SEMA5A: variants seen among roughly 807,000 people sequenced by gnomAD.
The protein encoded by SEMA5A is semaphorin 5A.
In SEMA5A, 55 loss-of-function variants were observed where a neutral mutation model predicts 135.5. That is an observed-to-expected ratio of 0.41 (90% CI 0.33 to 0.51). The LOEUF (loss-of-function observed/expected upper bound fraction) is 0.51, where lower values mean the gene tolerates loss of function less well. Ranked by LOEUF, SEMA5A falls within the 20% of genes least tolerant of loss-of-function variation. The pLI is 0.37. For synonymous variants in SEMA5A, 580 were observed against 546.5 expected, an observed-to-expected ratio of 1.06 and a Z score of -0.85; for missense variants, 1,290 against 1,419.9, an observed-to-expected ratio of 0.91 and a Z score of 1.47.
At chr5:9,459,880 T>C (rs1758991615) in intron 1 of SEMA5A, among the ~76,000 whole-genome samples, 1 of 152,244 alleles carries the variant, frequency 6.6e-6, no homozygotes, top group Admixed American at 6.5e-5. Flanking sequence ...AAATGCCTGA[T>C]TTTATTAAGC....
intron 5 of SEMA5A, among the ~76,000 whole-genome samples, chr5:9,245,074 G>A (rs188099047): frequency 5.3e-5 from 8 of 152,144 alleles, no homozygotes; most frequent in East Asian, 1.9e-4. Context: ...TCTTGATACC[G>A]CAGTCAACTG....
chr5:9,282,179 T>A (rs2150566470), intron 5 of SEMA5A, among the ~76,000 whole-genome samples: 1 of 152,178 alleles, frequency 6.6e-6, no homozygotes, highest in South Asian at 2.1e-4. Context: ...CACAAGAGCA[T>A]CATGGCAGAT....
intron 22 of SEMA5A, chr5:9,043,264 A>C: frequency 2.7e-6 from 1 of 366,120 alleles, no homozygotes; most frequent in Non-Finnish European, 4.9e-6. Flanking sequence ...TGAAGTTACC[A>C]CGAGAAGCAG....
chr5:9,496,896 C>T (rs1426229931), intron 1 of SEMA5A, among the ~76,000 whole-genome samples: 1 of 152,224 alleles, frequency 6.6e-6, no homozygotes, highest in Non-Finnish European at 1.5e-5. Flanking sequence ...CTGCTACCAG[C>T]TACCAGGAGT....
intron 16 of SEMA5A, among the ~76,000 whole-genome samples, chr5:9,105,680 C>A (rs1200429834): frequency 6.6e-6 from 1 of 152,118 alleles, no homozygotes; most frequent in Non-Finnish European, 1.5e-5. Context: ...ACCATCACCG[C>A]CTTCTCCAAG....
intron 16 of SEMA5A, among the ~76,000 whole-genome samples, chr5:9,101,108 C>T (rs564125083): frequency 1.1e-4 from 16 of 152,270 alleles, no homozygotes; most frequent in East Asian, 1.9e-4. Context: ...TAACTGTTTT[C>T]GGTTTTTAGT....
intron 13 of SEMA5A, among the ~76,000 whole-genome samples, chr5:9,131,161 T>A (rs1741389481): frequency 6.6e-6 from 1 of 152,112 alleles, no homozygotes; most frequent in Non-Finnish European, 1.5e-5. Context: ...AGAAAAGAGG[T>A]TTATTTTGGT....
At chr5:9,210,762 G>T (rs1217259657) in intron 8 of SEMA5A, among the ~76,000 whole-genome samples, 3 of 152,118 alleles carry the variant, frequency 2.0e-5, no homozygotes, top group Non-Finnish European at 4.4e-5. Flanking sequence ...GTAGAAGAAG[G>T]ATAATGCAAT....
intron 6 of SEMA5A, among the ~76,000 whole-genome samples, chr5:9,231,657 G>GGAGTCACAATGTAGAGGTA (rs1172097108): frequency 6.6e-6 from 1 of 151,986 alleles, no homozygotes; most frequent in Non-Finnish European, 1.5e-5. Context: ...AGTACTGCTT[G>GGAGTCACAATGTAGAGGTA]GAGTCACAAT....
chr5:9,326,141 A>T (rs1752862021), intron 4 of SEMA5A, among the ~76,000 whole-genome samples: 1 of 152,172 alleles, frequency 6.6e-6, no homozygotes, highest in Admixed American at 6.5e-5. Context: ...CCTCACTGCA[A>T]GTTTCCTTCC....
chr5:9,109,095 C>T (rs1047363586), intron 15 of SEMA5A, among the ~76,000 whole-genome samples: 7 of 124,464 alleles, frequency 5.6e-5, no homozygotes, highest in Admixed American at 4.1e-4. Flanking sequence ...GGCTGGAGTG[C>T]AGTGGCGTGA....
intron 1 of SEMA5A, among the ~76,000 whole-genome samples, chr5:9,505,193 C>T (rs139256844): frequency 1.2e-3 from 175 of 152,146 alleles, no homozygotes; most frequent in African/African-American, 4.0e-3. Flanking sequence ...AAGCTGATTT[C>T]ATATCAAGGG....
intron 5 of SEMA5A, among the ~76,000 whole-genome samples, chr5:9,293,975 T>C (rs1751208800): frequency 6.6e-6 from 1 of 152,222 alleles, no homozygotes; most frequent in Admixed American, 6.5e-5. Context: ...ACAGTTATTC[T>C]CCATGACTTA....
intron 1 of SEMA5A, among the ~76,000 whole-genome samples, chr5:9,497,834 G>A (rs920856344): frequency 5.3e-5 from 8 of 152,218 alleles, no homozygotes; most frequent in Middle Eastern, 3.4e-3. Context: ...CACATTTCCC[G>A]TTAGTCCCTC....
At chr5:9,511,965 T>G (rs1736228332) in intron 1 of SEMA5A, 1 of 152,210 alleles carries the variant, frequency 6.6e-6, no homozygotes, top group Admixed American at 6.5e-5. Flanking sequence ...ATGATTTGTC[T>G]TCTTCTTTAC....
intron 16 of SEMA5A, among the ~76,000 whole-genome samples, chr5:9,071,751 C>G (rs552897355): frequency 6.6e-6 from 1 of 152,320 alleles, no homozygotes; most frequent in East Asian, 1.9e-4. Context: ...ATCTCATCCA[C>G]AACTGAATAT....
chr5:9,477,837 A>T (rs1355396922), intron 1 of SEMA5A, among the ~76,000 whole-genome samples: 1 of 152,250 alleles, frequency 6.6e-6, no homozygotes, highest in Non-Finnish European at 1.5e-5. Flanking sequence ...GAAAAGAAAA[A>T]AACATTTCAT....
At chr5:9,526,250 A>C (rs565066949) in intron 1 of SEMA5A, among the ~76,000 whole-genome samples, 1 of 152,104 alleles carries the variant, frequency 6.6e-6, no homozygotes, top group Non-Finnish European at 1.5e-5. Context: ...CATTTACTTC[A>C]ATTATCCAAA....
At chr5:9,043,947 G>A (rs923473961) in intron 22 of SEMA5A, among the ~76,000 whole-genome samples, 2 of 152,204 alleles carry the variant, frequency 1.3e-5, no homozygotes, top group African/African-American at 4.8e-5. Context: ...CATGGAAGGA[G>A]CTCGTGTTCC....
Sources: gnomAD v4.1 joint callset for allele counts (sites outside exome capture counted in the v4.1 genomes callset) on GRCh38, gnomAD v4.1.1 for gene constraint, MANE v1.5 for transcripts, NCBI Gene and HGNC (gene_info 2026-07-23, HGNC 2026-07-21) for gene names.